The following MAP3K5 variants were observed in gnomAD, a reference collection of about 807,000 sequenced individuals.
MAP3K5 encodes the protein mitogen-activated protein kinase kinase kinase 5.
Under a neutral mutation model 158.7 loss-of-function variants are expected in MAP3K5, and 56 were observed. That is an observed-to-expected ratio of 0.35 (90% CI 0.28 to 0.44). The LOEUF is 0.44. Among genes scored for constraint, MAP3K5 ranks in the 20% least tolerant of loss-of-function variants. The probability of loss-of-function intolerance (pLI) is 1.00; values close to 1 mark genes in which losing one functional copy is unlikely to be tolerated. For missense variants in MAP3K5, 1,294 were observed against 1,674.8 expected, an observed-to-expected ratio of 0.77 and a Z score of 3.97; for synonymous variants, 579 against 601.7, an observed-to-expected ratio of 0.96 and a Z score of 0.55.
chr6:136,597,851 A>AT (rs1775700508), intron 21 of MAP3K5, among the ~76,000 whole-genome samples: 3 of 152,180 alleles, frequency 2.0e-5, no homozygotes, highest in Admixed American at 2.0e-4. Flanking sequence ...GGTCACTACT[A>AT]CCCACATATG....
At chr6:136,591,000 G>A (rs777215047) in intron 23 of MAP3K5, among the ~76,000 whole-genome samples, 1 of 152,100 alleles carries the variant, frequency 6.6e-6, no homozygotes, top group Non-Finnish European at 1.5e-5. Flanking sequence ...CATGGGGGTG[G>A]GTCTTTCCTG....
intron 17 of MAP3K5, among the ~76,000 whole-genome samples, chr6:136,611,910 C>T (rs1776361245): frequency 6.6e-6 from 1 of 152,206 alleles, no homozygotes; most frequent in Non-Finnish European, 1.5e-5. Flanking sequence ...CCAATTGTTC[C>T]TATAATTGAC....
At position 136,636,948 on chromosome 6, in the gene MAP3K5, T is replaced by C. The variant is rs138725605; in HGVS notation, c.2016+377A>G. On this transcript the variant is annotated intron_variant, in intron 14 of 29. Coordinates refer to ENST00000359015, the MANE Select transcript of MAP3K5 (RefSeq NM_005923.4). ...GGTTTCAGGTTCTCTGTGTAGCATA[T>C]TAATGCCTGCCACAAGGGTGCTATC... The C allele has an allele frequency of 4.7e-5, 48 of 1,028,486 alleles. 1 individual carries two copies. In the East Asian group the frequency reaches 4.0e-3, roughly 85 times the overall value. The allele number at this position is 1,028,486 out of a possible 1,614,324, so 63.7% of individuals were successfully genotyped here.
At chr6:136,576,978 G>A (rs1218983761) in intron 25 of MAP3K5, among the ~76,000 whole-genome samples, 2 of 151,872 alleles carry the variant, frequency 1.3e-5, no homozygotes, top group Non-Finnish European at 2.9e-5. Context: ...AGTAGGCTCT[G>A]CCATCTAGGT....
chr6:136,658,226 T>C (rs946203496), intron 9 of MAP3K5, among the ~76,000 whole-genome samples: 6 of 152,296 alleles, frequency 3.9e-5, no homozygotes, highest in African/African-American at 1.4e-4. Flanking sequence ...TGGTTAGCCT[T>C]TTAAAATCTT....
chr6:136,565,069 A>G (rs549177111), intron 26 of MAP3K5, among the ~76,000 whole-genome samples: 1 of 152,174 alleles, frequency 6.6e-6, no homozygotes, highest in Non-Finnish European at 1.5e-5. Context: ...TTCTTTTTCA[A>G]TTAAACTCCA....
At chr6:136,592,647 G>T (rs754917883) in intron 21 of MAP3K5, 33 bp from the exon 22 acceptor site, 30 of 1,581,874 alleles carry the variant, frequency 1.9e-5, no homozygotes, top group South Asian at 2.2e-5. Context: ...AAAGATAATT[G>T]ACACTTTAAA....
At chr6:136,727,086 C>A (rs546976952) in intron 1 of MAP3K5, among the ~76,000 whole-genome samples, 21 of 152,270 alleles carry the variant, frequency 1.4e-4, no homozygotes, top group African/African-American at 5.1e-4. Flanking sequence ...CTTTCTGACT[C>A]TGCTGGGTAC....
chr6:136,699,714 A>G (rs2114681920), intron 3 of MAP3K5, among the ~76,000 whole-genome samples: 1 of 152,340 alleles, frequency 6.6e-6, no homozygotes, highest in East Asian at 1.9e-4. Context: ...CTCGAAGCTC[A>G]GGGAAGGGAA....
chr6:136,702,065 A>G (rs1243931988), intron 3 of MAP3K5, among the ~76,000 whole-genome samples: 8 of 152,218 alleles, frequency 5.3e-5, no homozygotes, highest in Admixed American at 5.2e-4. Context: ...AACAAACCCC[A>G]TGGTATAAGG....
At chr6:136,761,881 G>A (rs887930048) in intron 1 of MAP3K5, among the ~76,000 whole-genome samples, 1 of 152,218 alleles carries the variant, frequency 6.6e-6, no homozygotes, top group Non-Finnish European at 1.5e-5. Flanking sequence ...GAAAGCCACT[G>A]AATGGCCCAC....
chr6:136,667,757 G>A (rs1779291097), intron 8 of MAP3K5, among the ~76,000 whole-genome samples: 2 of 151,760 alleles, frequency 1.3e-5, no homozygotes, highest in Non-Finnish European at 2.9e-5. Context: ...AGGCTGAGGT[G>A]GGAGGATCAC....
intron 7 of MAP3K5, among the ~76,000 whole-genome samples, chr6:136,693,258 C>T (rs946602384): frequency 1.5e-4 from 23 of 152,180 alleles, no homozygotes; most frequent in African/African-American, 4.6e-4. Flanking sequence ...CTCTTGTATT[C>T]CAGTGCTTTG....
chr6:136,564,550 T>A (rs1192761193), intron 26 of MAP3K5, among the ~76,000 whole-genome samples: 1 of 152,220 alleles, frequency 6.6e-6, no homozygotes, highest in Non-Finnish European at 1.5e-5. Flanking sequence ...TGGCAGTTTT[T>A]TGATCTGGTA....
At chr6:136,673,685 G>T (rs756083298) in intron 7 of MAP3K5, among the ~76,000 whole-genome samples, 2 of 147,446 alleles carry the variant, frequency 1.4e-5, no homozygotes, top group Non-Finnish European at 3.0e-5. Context: ...TCAATAGAAG[G>T]TATCTAAACT....
chr6:136,671,498 C>A (rs950339661), intron 7 of MAP3K5, among the ~76,000 whole-genome samples: 13 of 152,160 alleles, frequency 8.5e-5, no homozygotes, highest in Non-Finnish European at 1.9e-4. Flanking sequence ...GAAATAAAAT[C>A]CTGGCATATA....
chr6:136,567,696 A>G lies in MAP3K5; in HGVS notation c.3696T>C (p.His1232=), dbSNP rs146282696. 3.2e-5 allele frequency: 51 copies of G among 1,614,060 alleles called. No individual in the cohort carries two copies. The highest frequency in any genetic ancestry group is 1.6e-4 in the Middle Eastern group (1 of 6,082). ...GVSTLSSTVS[H]DSQSAHRSLN... is the part of the protein sequence containing the mutation. Reference sequence around the variant, plus strand: ...GTGACCGGTGAGCACTCTGGGAATCATGAGACACAGTAGAACTGAGCGTGC... The same window carrying G: ...GTGACCGGTGAGCACTCTGGGAATCGTGAGACACAGTAGAACTGAGCGTGC... The change falls in exon 26 of 30, where the codon CAT becomes CAC. Residue 1232 remains histidine, a synonymous_variant. Coordinates refer to ENST00000359015, the MANE Select transcript of MAP3K5 (RefSeq NM_005923.4).
intron 1 of MAP3K5, among the ~76,000 whole-genome samples, chr6:136,737,037 G>GTATATATATATATATATATATATATATA (rs56011325): frequency 1.7e-4 from 21 of 126,922 alleles, no homozygotes; most frequent in African/African-American, 7.2e-4. Context: ...ATATGTGTGT[G>GTATATATATATATATATATATATATATA]TATATATATA....
intron 15 of MAP3K5, among the ~76,000 whole-genome samples, chr6:136,621,888 C>T (rs1045601254): frequency 1.3e-5 from 2 of 152,108 alleles, no homozygotes; most frequent in Admixed American, 1.3e-4. Context: ...AGATCAAGAC[C>T]GTCCTGGTTA....
Sources: gnomAD v4.1 joint callset for allele counts (sites outside exome capture counted in the v4.1 genomes callset) on GRCh38, gnomAD v4.1.1 for gene constraint, MANE v1.5 for transcripts, NCBI Gene and HGNC (gene_info 2026-07-23, HGNC 2026-07-21) for gene names.